The following ST14 variants were observed in gnomAD, a reference collection of about 807,000 sequenced individuals.
ST14 encodes the protein ST14 transmembrane serine protease matriptase, also known as suppressor of tumorigenicity 14 protein.
In ST14, 40 loss-of-function variants were observed where a neutral mutation model predicts 96.5. That is an observed-to-expected ratio of 0.41 (90% CI 0.32 to 0.54). The LOEUF (loss-of-function observed/expected upper bound fraction) is 0.54. Among genes scored for constraint, ST14 ranks in the 20% least tolerant of loss-of-function variants. The probability of loss-of-function intolerance (pLI) is 0.17; values close to 1 mark genes in which losing one functional copy is unlikely to be tolerated. For synonymous variants in ST14, 506 were observed against 492.1 expected (o/e 1.03, Z -0.37); for missense variants, 1,066 against 1,188.9 (o/e 0.90, Z 1.52).
intron 6 of ST14, 82 bp from the exon 7 acceptor site, chr11:130,190,372 A>G (rs1375810165): frequency 3.8e-6 from 6 of 1,589,556 alleles, no homozygotes; most frequent in Non-Finnish European, 5.1e-6. Flanking sequence ...CCTGAGGTCC[A>G]CACCCACGGG....
At chr11:130,180,378 G>A (rs1352341196) in intron 1 of ST14, among the ~76,000 whole-genome samples, 1 of 152,218 alleles carries the variant, frequency 6.6e-6, no homozygotes, top group Non-Finnish European at 1.5e-5. Context: ...GCCACATGAG[G>A]AACGATCTTT....
At chr11:130,160,356 A>G (rs1030700284) in intron 1 of ST14, among the ~76,000 whole-genome samples, 2 of 152,098 alleles carry the variant, frequency 1.3e-5, no homozygotes, top group South Asian at 2.1e-4. Context: ...CGGCCCCTCC[A>G]TGACTCTCGC....
At chr11:130,170,658 G>A (rs1953083532) in intron 1 of ST14, among the ~76,000 whole-genome samples, 1 of 151,568 alleles carries the variant, frequency 6.6e-6, no homozygotes, top group African/African-American at 2.4e-5. Context: ...TCCTAACCGA[G>A]AGGTTAGGAA....
chr11:130,162,184 G>T (rs1953003479), intron 1 of ST14, among the ~76,000 whole-genome samples: 1 of 152,172 alleles, frequency 6.6e-6, no homozygotes, highest in South Asian at 2.1e-4. Context: ...GTATCTGGCT[G>T]TCCCCTTCCC....
At chr11:130,160,619 T>G (rs1330708978) in intron 1 of ST14, among the ~76,000 whole-genome samples, 1 of 152,224 alleles carries the variant, frequency 6.6e-6, no homozygotes, top group East Asian at 1.9e-4. Flanking sequence ...CGAGAGGGGA[T>G]GGAGCCCTTT....
At chr11:130,207,598 T>C (rs999833961) in intron 16 of ST14, among the ~76,000 whole-genome samples, 4 of 152,160 alleles carry the variant, frequency 2.6e-5, no homozygotes, top group Non-Finnish European at 4.4e-5. Context: ...TTTCCTGATA[T>C]CTCTGATCTC....
At chr11:130,194,527 C>A in intron 8 of ST14, 113 bp from the exon 9 acceptor site, 1 of 1,217,550 alleles carries the variant, frequency 8.2e-7, no homozygotes, top group Non-Finnish European at 1.2e-6. Context: ...ACCTGCTGTG[C>A]AGCATCCACG....
At chr11:130,179,028 C>T (rs1455707805) in intron 1 of ST14, among the ~76,000 whole-genome samples, 1 of 152,204 alleles carries the variant, frequency 6.6e-6, no homozygotes, top group African/African-American at 2.4e-5. Flanking sequence ...TTCCCTTCAT[C>T]CCAGGTGGTT....
Position 130,196,429 on chromosome 11 carries a change from G to A in ST14, c.1204G>A (p.Val402Met), listed in dbSNP as rs760260461. 1.6e-5 allele frequency: 26 copies of A among 1,609,654 alleles called. No individual in the cohort carries two copies. Among genetic ancestry groups the A allele is most frequent in the Admixed American group, 3.4e-5 (2 of 59,314 alleles). Reference sequence around the variant, plus strand: ...TGCGGGCACCTGCCCCAAGGACTACGTGGAGATCAACGGGGAGAAGTGAGT... The same window carrying A: ...TGCGGGCACCTGCCCCAAGGACTACATGGAGATCAACGGGGAGAAGTGAGT... ...VPAGTCPKDY[V>M]EINGEKYCGE... is the part of the protein sequence containing the mutation. The change falls in exon 10 of 19, where the codon GTG becomes ATG. Residue 402 changes from valine (V) to methionine (M), a missense_variant. Val to Met is a conservative substitution (Grantham distance 21). Coordinates refer to ENST00000278742, the MANE Select transcript of ST14 (RefSeq NM_021978.4).
intron 1 of ST14, among the ~76,000 whole-genome samples, chr11:130,180,619 T>C (rs534789840): frequency 6.6e-6 from 1 of 152,264 alleles, no homozygotes; most frequent in African/African-American, 2.4e-5. Context: ...TTGCACTCAG[T>C]GGCAGGTCTT....
At chr11:130,206,278 G>C (rs1953486832) in intron 16 of ST14, among the ~76,000 whole-genome samples, 1 of 152,180 alleles carries the variant, frequency 6.6e-6, no homozygotes, top group Admixed American at 6.5e-5. Flanking sequence ...CCCCCGTGAA[G>C]GGGGCTGGTC....
At chr11:130,180,371 A>T (rs754320994) in intron 1 of ST14, among the ~76,000 whole-genome samples, 2 of 152,202 alleles carry the variant, frequency 1.3e-5, no homozygotes, top group Non-Finnish European at 2.9e-5. Flanking sequence ...AACCTTAGCC[A>T]CATGAGGAAC....
At position 130,194,236 on chromosome 11, in the gene ST14, G is replaced by A. The variant is rs1953334835; in HGVS notation, c.963G>A (p.Glu321=). Residue 321 remains glutamate, a synonymous_variant, in exon 8 of 19, where the codon GAG becomes GAA. Coordinates refer to ENST00000278742, the MANE Select transcript of ST14 (RefSeq NM_021978.4). Reference sequence around the variant, plus strand: ...TCATCACACTGATAACCAACACTGAGCGGCGGCATCCCGGCTTTGAGGCCA... The same window carrying A: ...TCATCACACTGATAACCAACACTGAACGGCGGCATCCCGGCTTTGAGGCCA... ...VLLITLITNT[E]RRHPGFEATF... 12 of 1,614,122 alleles carry A rather than the reference G, an allele frequency of 7.4e-6. No homozygotes were observed. The highest frequency in any genetic ancestry group is 8.5e-6 in the Non-Finnish European group (10 of 1,180,062).
Position 130,208,613 on chromosome 11 carries a change from C to G in ST14, c.2198C>G (p.Pro733Arg), listed in dbSNP as rs768283444. ...TCCATGGTGCGGCCCATCTGCCTGC[C>G]GGACGCCTCCCATGTCTTCCCTGCC... ...YSSMVRPICL[P>R]DASHVFPAGK... Residue 733 changes from proline (P) to arginine (R), a missense_variant, in exon 17 of 19, where the codon CCG becomes CGG. By Grantham distance (103) the Pro-to-Arg change is moderately radical. Transcript: ENST00000278742. 1 of 1,614,022 alleles carries G rather than the reference C, an allele frequency of 6.2e-7. No individual in the cohort carries two copies. Among genetic ancestry groups the G allele is most frequent in the Non-Finnish European group, 8.5e-7 (1 of 1,179,994 alleles).
chr11:130,208,761 G>A, intron 17 of ST14, 77 bp downstream of exon 17: 1 of 1,508,190 alleles, frequency 6.6e-7, no homozygotes, highest in Non-Finnish European at 8.9e-7. Context: ...CTGCGTGTCC[G>A]GTCTCGGGGC....
At chr11:130,172,286 G>A (rs886341929) in intron 1 of ST14, among the ~76,000 whole-genome samples, 4 of 151,188 alleles carry the variant, frequency 2.6e-5, no homozygotes, top group African/African-American at 9.7e-5. Context: ...AAAAATTTTT[G>A]TAGAGATGGG....
chr11:130,203,816 C>G (rs1037750352), intron 16 of ST14, among the ~76,000 whole-genome samples: 7 of 152,182 alleles, frequency 4.6e-5, no homozygotes, highest in African/African-American at 1.7e-4. Flanking sequence ...CCGTGCCCGG[C>G]TAATTTTTTG....
Position 130,189,760 on chromosome 11 carries a change from C to T in ST14, c.462C>T (p.Tyr154=), listed in dbSNP as rs773864946. 2.5e-6 allele frequency: 4 copies of T among 1,613,342 alleles called. No individual in the cohort carries two copies. The highest frequency in any genetic ancestry group is 4.5e-5 in the East Asian group (2 of 44,878). The change falls in exon 5 of 19, where the codon TAC becomes TAT. Residue 154 remains tyrosine (Y), a synonymous_variant. Transcript: ENST00000278742. ...CCAGCGAGGGCAGCGTCATCGCCTA[C>T]TACTGGTCTGAGTTCAGCATCCCGC... ...TAFSEGSVIA[Y]YWSEFSIPQH...
At chr11:130,203,172 G>T (rs565359407) in intron 16 of ST14, among the ~76,000 whole-genome samples, 1 of 152,128 alleles carries the variant, frequency 6.6e-6, no homozygotes, top group African/African-American at 2.4e-5. Flanking sequence ...GTGGAAACCC[G>T]CAGGCACAGG....
Sources: gnomAD v4.1 joint callset for allele counts (sites outside exome capture counted in the v4.1 genomes callset) on GRCh38, gnomAD v4.1.1 for gene constraint, MANE v1.5 for transcripts, NCBI Gene and HGNC (gene_info 2026-07-23, HGNC 2026-07-21) for gene names.